Variants in GRIK1 observed in about 807,000 individuals in gnomAD.
The protein encoded by GRIK1 is glutamate ionotropic receptor kainate type subunit 1.
In GRIK1, 69 loss-of-function variants were observed where a neutral mutation model predicts 105.7. That is an observed-to-expected ratio of 0.65 (90% CI 0.54 to 0.80). The LOEUF is 0.80. Ranked by LOEUF, GRIK1 falls within the 30% of genes least tolerant of loss-of-function variation. The pLI is 0.00. For synonymous variants in GRIK1, 438 were observed against 431.3 expected, an observed-to-expected ratio of 1.02 and a Z score of -0.19; for missense variants, 1,109 against 1,167.3, an observed-to-expected ratio of 0.95 and a Z score of 0.73.
chr21:29,931,459 A>G (rs577200139), intron 1 of GRIK1, among the ~76,000 whole-genome samples: 1 of 152,290 alleles, frequency 6.6e-6, no homozygotes, highest in Admixed American at 6.5e-5. Flanking sequence ...ATCACCTGTT[A>G]TCAAGCGTGA....
chr21:29,849,644 G>C (rs2068243458), intron 1 of GRIK1, among the ~76,000 whole-genome samples: 1 of 152,198 alleles, frequency 6.6e-6, no homozygotes, highest in Non-Finnish European at 1.5e-5. Context: ...CAAAGACAAT[G>C]TGTCCATGTG....
At chr21:29,853,492 G>A (rs1315476535) in intron 1 of GRIK1, among the ~76,000 whole-genome samples, 1 of 152,156 alleles carries the variant, frequency 6.6e-6, no homozygotes, top group African/African-American at 2.4e-5. Context: ...GATATCTCTT[G>A]GGGGCAAAAT....
At chr21:29,761,930 T>C (rs577708721) in intron 1 of GRIK1, among the ~76,000 whole-genome samples, 2 of 152,282 alleles carry the variant, frequency 1.3e-5, no homozygotes, top group East Asian at 3.9e-4. Context: ...GTATTTTTAG[T>C]AGAGACAGGG....
intron 6 of GRIK1, among the ~76,000 whole-genome samples, chr21:29,647,273 T>C (rs1331966050): frequency 2.6e-5 from 4 of 152,248 alleles, no homozygotes; most frequent in African/African-American, 9.6e-5. Context: ...GGTGTTATTG[T>C]ACAGATTTAT....
chr21:29,768,043 G>A (rs2065719091), intron 1 of GRIK1, among the ~76,000 whole-genome samples: 1 of 152,202 alleles, frequency 6.6e-6, no homozygotes, highest in African/African-American at 2.4e-5. Context: ...CTTCCGTGCT[G>A]GAGGTGACGG....
intron 1 of GRIK1, among the ~76,000 whole-genome samples, chr21:29,742,501 G>A (rs760455858): frequency 2.0e-5 from 3 of 152,164 alleles, no homozygotes; most frequent in African/African-American, 4.8e-5. Flanking sequence ...GCCTAGCTCC[G>A]TCTGAACTCA....
chr21:29,642,316 G>A (rs550562127), intron 7 of GRIK1, among the ~76,000 whole-genome samples: 4 of 152,334 alleles, frequency 2.6e-5, no homozygotes, highest in East Asian at 3.9e-4. Flanking sequence ...TATGTGCTCA[G>A]TAGGTTTTGA....
chr21:29,608,495 T>G (rs1238253464), intron 7 of GRIK1, among the ~76,000 whole-genome samples: 7 of 152,176 alleles, frequency 4.6e-5, no homozygotes, highest in Non-Finnish European at 1.0e-4. Flanking sequence ...ATAGATATTT[T>G]AAGTTTTGTG....
At chr21:29,611,309 G>A (rs1006765563) in intron 7 of GRIK1, among the ~76,000 whole-genome samples, 1 of 151,918 alleles carries the variant, frequency 6.6e-6, no homozygotes, top group African/African-American at 2.4e-5. Context: ...GACCTCAAAG[G>A]TTATGGTTTT....
chr21:29,717,428 TGCAAAGCCAGAGGGGCAA>T (rs2064205699), intron 1 of GRIK1, among the ~76,000 whole-genome samples: 1 of 152,338 alleles, frequency 6.6e-6, no homozygotes, highest in East Asian at 1.9e-4. Flanking sequence ...GACTGTACCA[TGCAAAGCCAGAGGGGCAA>T]GTTATCCAAG....
At chr21:29,846,650 C>T (rs1231642362) in intron 1 of GRIK1, among the ~76,000 whole-genome samples, 1 of 152,080 alleles carries the variant, frequency 6.6e-6, no homozygotes, top group Admixed American at 6.5e-5. Flanking sequence ...CAGGACTTTG[C>T]AGTATTATGA....
chr21:29,826,535 C>T (rs980783943), intron 1 of GRIK1, among the ~76,000 whole-genome samples: 5 of 152,054 alleles, frequency 3.3e-5, no homozygotes, highest in African/African-American at 1.2e-4. Flanking sequence ...AGCAGATGGC[C>T]TTCAGATTTA....
In GRIK1 at chr21:29,589,038, T is replaced by A; in HGVS notation, c.1370A>T (p.Glu457Val). 6.4e-7 allele frequency: 1 copy of A among 1,561,816 alleles called. No homozygotes were observed. The highest frequency in any genetic ancestry group is 8.8e-7 in the Non-Finnish European group (1 of 1,135,508). ...RTLIVTTILE[E>V]PYVMYRKSDK... is the part of the protein sequence containing the mutation. ...AGATTTCCTGTACATAACATAGGGT[T>A]CTTCCTAAATGAAACAAACCAAATA... Residue 457 changes from glutamate (E) to valine (V), a missense_variant, in exon 11 of 18, where the codon GAA (glutamate) becomes GTA (valine). Physicochemically the swap from Glu to Val is moderately radical, Grantham distance 121. Transcript: ENST00000327783.
At chr21:29,904,269 A>T (rs1248028221) in intron 1 of GRIK1, among the ~76,000 whole-genome samples, 1 of 152,166 alleles carries the variant, frequency 6.6e-6, no homozygotes, top group East Asian at 1.9e-4. Flanking sequence ...CTTAAAGTAT[A>T]ATAATCATTA....
intron 14 of GRIK1, among the ~76,000 whole-genome samples, chr21:29,570,754 T>C (rs1463516348): frequency 3.9e-5 from 6 of 152,154 alleles, no homozygotes; most frequent in Admixed American, 3.9e-4. Context: ...CCCATAGTGA[T>C]TGAACTGTAA....
chr21:29,611,035 T>C (rs1303921914), intron 7 of GRIK1, among the ~76,000 whole-genome samples: 1 of 152,158 alleles, frequency 6.6e-6, no homozygotes, highest in African/African-American at 2.4e-5. Flanking sequence ...TTGGAAATTA[T>C]TTATGACACA....
At chr21:29,823,703 G>T (rs74918647) in intron 1 of GRIK1, among the ~76,000 whole-genome samples, 4 of 152,062 alleles carry the variant, frequency 2.6e-5, no homozygotes, top group Non-Finnish European at 5.9e-5. Context: ...AAGATTTTCT[G>T]AAGGTGCAAG....
chr21:29,626,204 C>T (rs775126890), intron 7 of GRIK1, among the ~76,000 whole-genome samples: 4 of 152,012 alleles, frequency 2.6e-5, no homozygotes, highest in South Asian at 4.1e-4. Context: ...CATGGTGGAA[C>T]GTGGAAGGGC....
At chr21:29,683,632 G>A (rs765974409) in intron 3 of GRIK1, among the ~76,000 whole-genome samples, 1 of 152,152 alleles carries the variant, frequency 6.6e-6, no homozygotes, top group Non-Finnish European at 1.5e-5. Context: ...AGAGGAGGGA[G>A]GCAAGGGCTG....
Sources: allele counts gnomAD v4.1 joint callset (sites outside exome capture counted in the v4.1 genomes callset), GRCh38; gene constraint gnomAD v4.1.1; transcripts MANE v1.5; gene names NCBI Gene and HGNC (gene_info 2026-07-23, HGNC 2026-07-21).